Variants in PRRG3 observed in about 807,000 individuals in gnomAD.
The protein encoded by PRRG3 is transmembrane gamma-carboxyglutamic acid protein 3.
Under a neutral mutation model 15.8 loss-of-function variants are expected in PRRG3, and 21 were observed. That is an observed-to-expected ratio of 1.33 (90% CI 0.94 to 1.92). The LOEUF (loss-of-function observed/expected upper bound fraction) is 1.92. Ranked by LOEUF, PRRG3 falls within the 40% of genes most tolerant of loss-of-function variation. PRRG3 has a pLI of 0.00. For missense variants in PRRG3, 251 were observed against 200.2 expected, an observed-to-expected ratio of 1.25 and a Z score of -1.53; for synonymous variants, 125 against 84.1, an observed-to-expected ratio of 1.49 and a Z score of -2.66.
At chrX:151,698,080 C>T (rs747874244) in intron 1 of PRRG3, among the ~76,000 whole-genome samples, 7 of 110,892 alleles carry the variant, frequency 6.3e-5, no homozygotes, top group East Asian at 2.9e-4. Flanking sequence ...ATGAACACAG[C>T]GGGTCACCTG....
In PRRG3 at chrX:151,700,553, C is replaced by T. The variant is rs1569422190; in HGVS notation, c.216C>T (p.Asp72=). The T allele has an allele frequency of 8.3e-7, 1 of 1,207,167 alleles. No individual in the cohort carries two copies. Among genetic ancestry groups the T allele is most frequent in the Non-Finnish European group, 1.1e-6 (1 of 892,305 alleles). Residue 72 remains aspartate, a synonymous_variant, in exon 4 of 4, where the codon GAC becomes GAT. Coordinates refer to ENST00000674457, the MANE Select transcript of PRRG3 (RefSeq NM_001372163.1). ...GYPNAVYSVR[D]PSQSSDAMYV... ...CAAATGCAGTCTACTCTGTCCGAGA[C>T]CCCTCGCAGAGCTCAGATGCCATGT...
intron 1 of PRRG3, among the ~76,000 whole-genome samples, chrX:151,698,081 G>A (rs372326352): frequency 1.8e-5 from 2 of 111,031 alleles, no homozygotes; most frequent in African/African-American, 6.6e-5. Context: ...TGAACACAGC[G>A]GGTCACCTGG....
intron 1 of PRRG3, among the ~76,000 whole-genome samples, chrX:151,695,793 G>A (rs187314129): frequency 3.6e-5 from 4 of 111,818 alleles, no homozygotes; most frequent in African/African-American, 1.3e-4. Flanking sequence ...GGGCCCCAGA[G>A]TTTGAGTTTG....
intron 3 of PRRG3, 87 bp from the exon 4 acceptor site, chrX:151,700,419 G>A (rs1462782318): frequency 8.9e-7 from 1 of 1,120,077 alleles, no homozygotes; most frequent in Non-Finnish European, 1.2e-6. Context: ...GTCAGATGGG[G>A]AAGGGTAGGA....
Position 151,700,981 on chromosome X carries a change from C to T in PRRG3, c.644C>T (p.Pro215Leu). 1 of 1,184,296 alleles carries T rather than the reference C, an allele frequency of 8.4e-7. No homozygotes were observed. Among genetic ancestry groups the T allele is most frequent in the Non-Finnish European group, 1.1e-6 (1 of 881,775 alleles). The change falls in exon 4 of 4, where the codon CCA (proline) becomes CTA (leucine). Residue 215 changes from proline to leucine, a missense_variant. Pro to Leu is a moderately conservative substitution (Grantham distance 98). Coordinates refer to ENST00000674457, the MANE Select transcript of PRRG3 (RefSeq NM_001372163.1). ...SEEASVSYSD[P>L]PPKYEEIVAA... ...GAGGCCAGCGTGTCTTACAGTGACC[C>T]ACCCCCAAAGTACGAGGAGATAGTG... is the stretch of plus-strand genomic sequence containing the variant.
At position 151,700,607 on chromosome X, in the gene PRRG3, A is replaced by G; in HGVS notation, c.270A>G (p.Ala90=). ...TGGTGGTACCCCTTCTGGGGGTGGC[A>G]CTGCTGATTGTCATCGCCTTGTTCA... ...MYVVVPLLGV[A]LLIVIALFII... is the part of the protein sequence containing the mutation. The change falls in exon 4 of 4, where the codon GCA becomes GCG. Residue 90 remains alanine, a synonymous_variant. Coordinates refer to ENST00000674457, the MANE Select transcript of PRRG3 (RefSeq NM_001372163.1). 4 of 1,211,533 alleles carry G rather than the reference A, an allele frequency of 3.3e-6. No homozygotes were observed. Among genetic ancestry groups the G allele is most frequent in the South Asian group, 3.5e-5 (2 of 56,935 alleles).
chrX:151,699,220 T>C lies in PRRG3; in HGVS notation c.7+399T>C, dbSNP rs774174408. Among the ~76,000 whole-genome samples the C allele has an allele frequency of 2.9e-3, 322 of 112,758 alleles. 3 individuals are homozygous for C. The highest frequency in any genetic ancestry group is 4.4e-3 in the Non-Finnish European group (233 of 53,263). On this transcript the variant is annotated intron_variant, in intron 2 of 3. Coordinates refer to ENST00000674457, the MANE Select transcript of PRRG3 (RefSeq NM_001372163.1). ...ATCCTTCACAGTCTCAACTTAGGCT[T>C]ATGTGGGTGCAGAGCTCAAGCTATT...
chrX:151,697,877 T>C (rs1477274303), intron 1 of PRRG3, among the ~76,000 whole-genome samples: 1 of 109,841 alleles, frequency 9.1e-6, no homozygotes, highest in Non-Finnish European at 1.9e-5. Context: ...AAGTACTGGC[T>C]GGATAGCTCC....
rs774245021 is a variant in PRRG3, at chrX:151,702,998, CAGTT to C, written c.*1968_*1971del. 4.4e-5 allele frequency: 5 copies of C among 112,649 alleles called. No homozygotes were observed. Among genetic ancestry groups the C allele is most frequent in the African/African-American group, 9.7e-5 (3 of 30,976 alleles). 9.3% of individuals were successfully genotyped at this position (112,649 alleles called of 1,213,427 possible). On this transcript the variant is annotated 3_prime_UTR_variant, in exon 4 of 4. Coordinates refer to ENST00000674457, the MANE Select transcript of PRRG3 (RefSeq NM_001372163.1). ...AGAAACTTATCCCAATATGTCTACT[CAGTT>C]AGCACAGAGCCAGGCATGAGCTCCA...
In PRRG3 at chrX:151,701,283, C is replaced by T. The variant is rs2014880885; in HGVS notation, c.*250C>T. On this transcript the variant is annotated 3_prime_UTR_variant, in exon 4 of 4. Transcript: ENST00000674457. ...AGTGCCCAACTCTTTGGGATGACCCCCAAGCCTCCAACATCCTGTCTTTCC... is the reference window on the plus strand; with the variant it reads ...AGTGCCCAACTCTTTGGGATGACCCTCAAGCCTCCAACATCCTGTCTTTCC... The T allele has an allele frequency of 7.1e-6, 2 of 282,998 alleles. No individual in the cohort carries two copies. Among genetic ancestry groups the T allele is most frequent in the Admixed American group, 1.2e-4 (2 of 17,230 alleles). 23.3% of individuals were successfully genotyped at this position (282,998 alleles called of 1,213,427 possible).
In PRRG3 at chrX:151,703,162, G is replaced by T. The variant is rs1218175844; in HGVS notation, c.*2129G>T. On this transcript the variant is annotated 3_prime_UTR_variant, in exon 4 of 4. Coordinates refer to ENST00000674457, the MANE Select transcript of PRRG3 (RefSeq NM_001372163.1). ...TGGAGGGCAACATGTGTCCTTCAGG[G>T]GCTGAGGACAGGCCGTGGGAAGAGT... 1 of 112,333 alleles carries T rather than the reference G, an allele frequency of 8.9e-6. No individual in the cohort carries two copies. 9.3% of individuals were successfully genotyped at this position (112,333 alleles called of 1,213,427 possible). A position where few individuals can be genotyped will look rare whatever the true frequency, so the allele number is the denominator to read the frequency against.
chrX:151,695,902 G>T (rs2014752238), intron 1 of PRRG3, among the ~76,000 whole-genome samples: 1 of 111,493 alleles, frequency 9.0e-6, no homozygotes, highest in Non-Finnish European at 1.9e-5. Flanking sequence ...TGGAAATAAA[G>T]TCTAGGGTTT....
rs776961264 is a variant in PRRG3 at position 151,698,827 on chromosome X, T to A, written c.7+6T>A. 5 of 1,199,478 alleles carry A rather than the reference T, an allele frequency of 4.2e-6. No individual in the cohort carries two copies. The highest frequency in any genetic ancestry group is 1.8e-5 in the South Asian group (1 of 55,244). Reference sequence around the variant, plus strand: ...CTGAGGGAGCATCATGGCAGGTGAGTTTTTCCAGGCCTGGGCAGAGCCGTG... The same window carrying A: ...CTGAGGGAGCATCATGGCAGGTGAGATTTTCCAGGCCTGGGCAGAGCCGTG... On this transcript the variant is annotated splice_donor_region_variant and intron_variant, in intron 2 of 3. Coordinates refer to ENST00000674457, the MANE Select transcript of PRRG3 (RefSeq NM_001372163.1).
chrX:151,698,545 C>T (rs1024518080), intron 1 of PRRG3: 18 of 284,140 alleles, frequency 6.3e-5, no homozygotes, highest in South Asian at 3.5e-4. Context: ...TGGGGGAAAA[C>T]GCTGAAAGGT....
chrX:151,700,456 A>C, intron 3 of PRRG3, 50 bp from the exon 4 acceptor site: 1 of 1,142,941 alleles, frequency 8.7e-7, no homozygotes, highest in Non-Finnish European at 1.2e-6. Context: ...AAGGCCTCTG[A>C]GCCCACCTGG....
In PRRG3 at chrX:151,703,233, A is replaced by C. The variant is rs2014915240; in HGVS notation, c.*2200A>C. The C allele has an allele frequency of 8.9e-6, 1 of 112,087 alleles. No individual in the cohort carries two copies. The highest frequency in any genetic ancestry group is 9.4e-5 in the Admixed American group (1 of 10,676). 9.2% of individuals were successfully genotyped at this position (112,087 alleles called of 1,213,427 possible). ...CTGTGATGTTCGGTTCAGATGCTTC[A>C]TGGTGTTCTGCCAGGTGGGGTTGCA... On this transcript the variant is annotated 3_prime_UTR_variant, in exon 4 of 4. Coordinates refer to ENST00000674457, the MANE Select transcript of PRRG3 (RefSeq NM_001372163.1).
chrX:151,694,698 C>A (rs2014724466), upstream of PRRG3, among the ~76,000 whole-genome samples: 1 of 111,555 alleles, frequency 9.0e-6, no homozygotes, highest in Non-Finnish European at 1.9e-5. Flanking sequence ...GGCTAGCCCC[C>A]CTCTCTTTTC....
At chrX:151,697,323 A>G (rs1443532865) in intron 1 of PRRG3, among the ~76,000 whole-genome samples, 1 of 109,822 alleles carries the variant, frequency 9.1e-6, no homozygotes, top group Non-Finnish European at 1.9e-5. Flanking sequence ...CAGCATGCCT[A>G]ACTAATTTTT....
At position 151,701,208 on chromosome X, in the gene PRRG3, G is replaced by A. The variant is rs1329070324; in HGVS notation, c.*175G>A. On this transcript the variant is annotated 3_prime_UTR_variant, in exon 4 of 4. Coordinates refer to ENST00000674457, the MANE Select transcript of PRRG3 (RefSeq NM_001372163.1). ...TGTCAGAGACAGGTGGGGAGGGTGG[G>A]GGTAGGGACCACGCATGAGTCGAAG... 2 of 421,108 alleles carry A rather than the reference G, an allele frequency of 4.7e-6. No individual in the cohort carries two copies. The highest frequency in any genetic ancestry group is 1.1e-4 in the South Asian group (1 of 9,144). 34.7% of individuals were successfully genotyped at this position (421,108 alleles called of 1,213,427 possible).
Sources: allele counts gnomAD v4.1 joint callset (sites outside exome capture counted in the v4.1 genomes callset), GRCh38; gene constraint gnomAD v4.1.1; transcripts MANE v1.5; gene names NCBI Gene and HGNC (gene_info 2026-07-23, HGNC 2026-07-21).